Variants in EPHA4 observed in about 807,000 individuals in gnomAD.
The protein encoded by EPHA4 is EPH receptor A4.
Under a neutral mutation model 108.3 loss-of-function variants are expected in EPHA4, and 19 were observed. The observed-to-expected ratio is 0.18, with a 90% confidence interval of 0.12 to 0.26. EPHA4 has a LOEUF of 0.26. Among genes scored for constraint, EPHA4 ranks in the 10% least tolerant of loss-of-function variants. The pLI, the probability that EPHA4 is intolerant of heterozygous loss-of-function variation, is 1.00. For synonymous variants in EPHA4, 449 were observed against 455.5 expected (o/e 0.99, Z 0.18); for missense variants, 917 against 1,254.0 (o/e 0.73, Z 4.06).
chr2:221,564,014 C>T lies in EPHA4; in HGVS notation c.540G>A (p.Gly180=). ...IRDVGPLSKK[G]FYLAFQDVGA... The stretch of plus-strand genomic sequence containing the variant: ...CCACATCCTGAAAAGCCAGGTAAAA[C>T]CCCTTTTTGCTTAATGGCCCTACAT... Residue 180 remains glycine (G), a synonymous_variant, in exon 3 of 18, where the codon GGG becomes GGA. Transcript: ENST00000281821. 6.2e-7 allele frequency: 1 copy of T among 1,614,024 alleles called. No homozygotes were observed. The highest frequency in any genetic ancestry group is 8.5e-7 in the Non-Finnish European group (1 of 1,180,004).
intron 17 of EPHA4, among the ~76,000 whole-genome samples, chr2:221,424,000 C>G (rs1170129040): frequency 2.6e-5 from 4 of 152,014 alleles, no homozygotes; most frequent in African/African-American, 7.2e-5. Flanking sequence ...GCCTGTAATC[C>G]CAGCTACTTG....
At chr2:221,554,529 G>A (rs1694252254) in intron 3 of EPHA4, among the ~76,000 whole-genome samples, 1 of 152,134 alleles carries the variant, frequency 6.6e-6, no homozygotes, top group African/African-American at 2.4e-5. Flanking sequence ...ATTCTAGAAG[G>A]AATAAAGGTA....
At chr2:221,498,609 T>A (rs74542770) in intron 4 of EPHA4, among the ~76,000 whole-genome samples, 2,143 of 151,462 alleles carry the variant, frequency 0.014, 53 homozygotes, top group African/African-American at 0.048. Context: ...TTACAGTTTT[T>A]CTGTTTTCGT....
At chr2:221,569,907 C>G (rs1694776311) in intron 1 of EPHA4, among the ~76,000 whole-genome samples, 1 of 152,136 alleles carries the variant, frequency 6.6e-6, no homozygotes, top group Non-Finnish European at 1.5e-5. Context: ...CCCGGGGAGT[C>G]TGAATTCCTG....
intron 3 of EPHA4, among the ~76,000 whole-genome samples, chr2:221,527,471 A>G (rs1270268787): frequency 6.6e-6 from 1 of 152,190 alleles, no homozygotes; most frequent in African/African-American, 2.4e-5. Flanking sequence ...ACAATGATTC[A>G]GCCCCATATG....
At position 221,426,616 on chromosome 2, in the gene EPHA4, A is replaced by G. The variant is rs531287446; in HGVS notation, c.2694T>C (p.Pro898=). ...LKRTGTESSR[P]NTALLDPSSP... is the part of the protein sequence containing the mutation. ...AGCTTGGATCCAACAAGGCAGTGTT[A>G]GGTCTAGAAAGAGAACAAGAAAATA... The change falls in exon 16 of 18, where the codon CCT becomes CCC. Residue 898 remains proline (P), a synonymous_variant. Transcript: ENST00000281821. 15 of 1,610,778 alleles carry G rather than the reference A, an allele frequency of 9.3e-6. No individual in the cohort carries two copies. The Admixed American group carries it at 2.4e-4, about 26-fold the overall frequency.
intron 12 of EPHA4, among the ~76,000 whole-genome samples, chr2:221,436,831 G>A (rs887286888): frequency 6.6e-6 from 1 of 152,124 alleles, no homozygotes; most frequent in Non-Finnish European, 1.5e-5. Context: ...CAACTGTAAT[G>A]AATCTACGGC....
chr2:221,490,792 T>C (rs1692118464), intron 4 of EPHA4, among the ~76,000 whole-genome samples: 1 of 152,248 alleles, frequency 6.6e-6, no homozygotes, highest in Non-Finnish European at 1.5e-5. Flanking sequence ...AAGCCCATGC[T>C]TCCCCTGACA....
intron 3 of EPHA4, among the ~76,000 whole-genome samples, chr2:221,520,946 A>G (rs1215993310): frequency 1.3e-5 from 2 of 152,234 alleles, no homozygotes; most frequent in Non-Finnish European, 1.5e-5. Context: ...GCATTTTGTT[A>G]ACCATGGTAG....
At chr2:221,501,227 G>A in intron 3 of EPHA4, 55 bp from the exon 4 acceptor site, 1 of 1,434,890 alleles carries the variant, frequency 7.0e-7, no homozygotes, top group African/African-American at 1.4e-5. Flanking sequence ...ATAGACCAAA[G>A]CAAAAATGCA....
intron 5 of EPHA4, among the ~76,000 whole-genome samples, chr2:221,477,983 T>C (rs1280887268): frequency 6.6e-6 from 1 of 152,096 alleles, no homozygotes; most frequent in Non-Finnish European, 1.5e-5. Context: ...CATTATGAAG[T>C]ATCTAGAATA....
At chr2:221,455,906 C>T (rs1014426097) in intron 7 of EPHA4, among the ~76,000 whole-genome samples, 2 of 152,146 alleles carry the variant, frequency 1.3e-5, no homozygotes, top group African/African-American at 4.8e-5. Flanking sequence ...GGATGTCAAT[C>T]CCCTTCAGAT....
intron 8 of EPHA4, among the ~76,000 whole-genome samples, chr2:221,453,432 C>T (rs3770175): frequency 0.056 from 8,445 of 152,120 alleles, 467 homozygotes; most frequent in African/African-American, 0.14. Context: ...TTACAGTTCC[C>T]GGTGGTTATA....
rs181856150 is a variant in EPHA4, at chr2:221,495,438, C to A, written c.979+5579G>T. Among the ~76,000 whole-genome samples the A allele has an allele frequency of 1.1e-4, 17 of 152,330 alleles. No individual in the cohort carries two copies. In the East Asian group the frequency reaches 2.7e-3, roughly 24 times the overall value. On this transcript the variant is annotated intron_variant, in intron 4 of 17. Coordinates refer to ENST00000281821, the MANE Select transcript of EPHA4 (RefSeq NM_004438.5). ...CACCTGGGAACTTGTCAGAAACAGA[C>A]TCTCAGGCCTAACCTCGCTCCTCCT...
chr2:221,568,398 A>G (rs2106213677), intron 2 of EPHA4, among the ~76,000 whole-genome samples: 1 of 152,290 alleles, frequency 6.6e-6, no homozygotes, highest in African/African-American at 2.4e-5. Flanking sequence ...CCATCACAGT[A>G]ATAGGCATAA....
chr2:221,566,848 GAGAAGGAGAAGA>G (rs1319878930), intron 2 of EPHA4, among the ~76,000 whole-genome samples: 3,518 of 39,478 alleles, frequency 0.089, 893 homozygotes, highest in African/African-American at 0.28. Flanking sequence ...GAAGGAGAAG[GAGAAGGAGAAGA>G]AGAAGAAGAA....
At chr2:221,573,614 G>A (rs542135635), upstream of EPHA4, 1 of 152,274 alleles carries the variant, frequency 6.6e-6, no homozygotes, top group East Asian at 1.9e-4. This position sits in a 1 kb window ranked among gnomAD's most constrained non-coding sequence, Gnocchi z 4.5. Flanking sequence ...GGGGAGCCTG[G>A]GTCCCGGCGG....
At chr2:221,541,315 C>A (rs1433831234) in intron 3 of EPHA4, among the ~76,000 whole-genome samples, 2 of 151,970 alleles carry the variant, frequency 1.3e-5, no homozygotes, top group African/African-American at 2.4e-5. Flanking sequence ...GGGCAGAGAA[C>A]CGAAGCAGCG....
At chr2:221,566,934 GAAGGAGAAGGAGAAGGA>G (rs1694673270) in intron 2 of EPHA4, among the ~76,000 whole-genome samples, 1 of 69,012 alleles carries the variant, frequency 1.4e-5, no homozygotes, top group South Asian at 4.3e-4. Flanking sequence ...AGGAGAAGGA[GAAGGAGAAGGAGAAGGA>G]GAAGGGGAAG....
Sources: gnomAD v4.1 joint callset for allele counts (sites outside exome capture counted in the v4.1 genomes callset) on GRCh38, gnomAD v4.1.1 for gene constraint, Gnocchi (gnomAD v3.1) non-coding constraint, MANE v1.5 for transcripts, NCBI Gene and HGNC (gene_info 2026-07-23, HGNC 2026-07-21) for gene names.